The following AMZ1 variants were observed in gnomAD, a reference collection of about 807,000 sequenced individuals.
AMZ1 encodes archaemetzincin-1.
A neutral mutation model predicts 29.9 loss-of-function variants in AMZ1; 39 were observed. The observed-to-expected ratio is 1.30, with a 90% CI of 1.01 to 1.70. AMZ1 has a LOEUF of 1.70. AMZ1 is among the 40% of genes most tolerant of loss of function. The pLI is 0.00. For synonymous variants in AMZ1, 458 were observed against 304.0 expected (o/e 1.51, Z -5.27); for missense variants, 1,041 against 680.6 (o/e 1.53, Z -5.89).
At chr7:2,711,087 G>GCCC in intron 6 of AMZ1, among the ~76,000 whole-genome samples, 1 of 152,348 alleles carries the variant, frequency 6.6e-6, no homozygotes, top group Middle Eastern at 3.4e-3. Flanking sequence ...ACCTGGATCT[G>GCCC]AGCTGGAGGG....
chr7:2,725,911 G>A (rs983461479), intron 4 of AMZ1, among the ~76,000 whole-genome samples: 2 of 145,972 alleles, frequency 1.4e-5, no homozygotes, highest in African/African-American at 5.3e-5. Context: ...CAGGCGTCCA[G>A]CCCGCCCGCT....
chr7:2,726,877 C>T (rs928352222), intron 4 of AMZ1, among the ~76,000 whole-genome samples: 1 of 152,162 alleles, frequency 6.6e-6, no homozygotes, highest in African/African-American at 2.4e-5. Flanking sequence ...ACGATAACCC[C>T]AGGGGTTGTG....
At chr7:2,706,366 C>T (rs1488062290) in intron 3 of AMZ1, among the ~76,000 whole-genome samples, 1 of 152,206 alleles carries the variant, frequency 6.6e-6, no homozygotes, top group Non-Finnish European at 1.5e-5. Flanking sequence ...GGGGTCCTGC[C>T]ATCTTGCCCA....
At chr7:2,687,760 C>G (rs1787140083), upstream of AMZ1, among the ~76,000 whole-genome samples, 1 of 152,042 alleles carries the variant, frequency 6.6e-6, no homozygotes. Context: ...CGTTCACCCC[C>G]TCACCTGGCG....
chr7:2,749,568 G>C (rs208350), intron 4 of AMZ1, among the ~76,000 whole-genome samples: 1 of 151,778 alleles, frequency 6.6e-6, no homozygotes, highest in East Asian at 1.9e-4. Flanking sequence ...GCTAAATGAC[G>C]AGTTAATGGG....
chr7:2,741,807 C>A (rs565754737), intron 4 of AMZ1, among the ~76,000 whole-genome samples: 1 of 151,412 alleles, frequency 6.6e-6, no homozygotes, highest in East Asian at 1.9e-4. Flanking sequence ...ACGGCAACTT[C>A]AGGTGCTGCT....
At chr7:2,752,196 T>G (rs149097064) in intron 4 of AMZ1, among the ~76,000 whole-genome samples, 33 of 152,164 alleles carry the variant, frequency 2.2e-4, no homozygotes, top group Middle Eastern at 3.4e-3. Flanking sequence ...AATGTTTCAA[T>G]AGATGCAGAA....
chr7:2,685,893 C>T (rs1467822493), upstream of AMZ1, among the ~76,000 whole-genome samples: 1 of 149,688 alleles, frequency 6.7e-6, no homozygotes, highest in East Asian at 2.0e-4. Context: ...TTCATCTTTT[C>T]TCAGGTTCTG....
Position 2,718,506 on chromosome 7 carries a change from T to C in AMZ1, c.*5628T>C, listed in dbSNP as rs1353617365. Among the ~76,000 whole-genome samples the C allele has an allele frequency of 6.6e-6, 1 of 152,232 alleles. No individual in the cohort carries two copies. Among genetic ancestry groups the C allele is most frequent in the Non-Finnish European group, 1.5e-5 (1 of 68,038 alleles). The stretch of plus-strand genomic sequence containing the variant: ...ACGTGTTTTGTTCAGCCCTGACTCT[T>C]GGACGCTGGTGGCAGCCGCGGGCGC... On this transcript the variant is annotated 3_prime_UTR_variant, in exon 7 of 7. Transcript: ENST00000683327.
chr7:2,739,019 G>A (rs1790361664), intron 4 of AMZ1, among the ~76,000 whole-genome samples: 1 of 152,176 alleles, frequency 6.6e-6, no homozygotes, highest in Non-Finnish European at 1.5e-5. Flanking sequence ...GAGCTGCACA[G>A]GGTCCTTGGC....
chr7:2,733,476 T>C, intron 4 of AMZ1: 1 of 1,613,942 alleles, frequency 6.2e-7, no homozygotes, highest in African/African-American at 1.3e-5. Flanking sequence ...GTCCAAGTTG[T>C]CCAGGAAGTA....
At chr7:2,701,228 CAAAAA>C (rs35630946) in intron 2 of AMZ1, among the ~76,000 whole-genome samples, 1 of 144,158 alleles carries the variant, frequency 6.9e-6, no homozygotes, top group Admixed American at 6.9e-5. Flanking sequence ...GAGACTGTCT[CAAAAA>C]AAAAAAGACC....
intron 3 of AMZ1, among the ~76,000 whole-genome samples, chr7:2,705,466 C>A (rs893737223): frequency 7.9e-5 from 12 of 152,174 alleles, no homozygotes; most frequent in African/African-American, 2.9e-4. Flanking sequence ...ATCACGTGGC[C>A]ATCACCATAA....
At position 2,737,287 on chromosome 7, in the gene AMZ1, T is replaced by G. The variant is rs1488488212; in HGVS notation, n.551-27425T>G. Among the ~76,000 whole-genome samples the G allele has an allele frequency of 2.0e-4, 8 of 39,310 alleles. 1 individual carries two copies. In the East Asian group the frequency reaches 3.5e-3, roughly 17 times the overall value. 25.8% of individuals were successfully genotyped at this position (39,310 alleles called of 152,430 possible). A position where few individuals can be genotyped will look rare whatever the true frequency, so the allele number is the denominator to read the frequency against. ...CAGTTTTGTTTTGTTTTTTTTTTTT[T>G]TGTTTTTTTTTTTTTTTTTGAGATG... is the stretch of plus-strand genomic sequence containing the variant. On this transcript the variant is annotated intron_variant and non_coding_transcript_variant, in intron 4 of 4. Transcript: ENST00000489665.
chr7:2,760,655 C>A (rs1791511370), upstream of AMZ1, among the ~76,000 whole-genome samples: 2 of 152,208 alleles, frequency 1.3e-5, no homozygotes, highest in Non-Finnish European at 2.9e-5. Context: ...GTCACTGTCC[C>A]TTTAAACCTT....
chr7:2,685,188 C>A (rs866449959), upstream of AMZ1, among the ~76,000 whole-genome samples: 1 of 151,494 alleles, frequency 6.6e-6, no homozygotes, highest in Non-Finnish European at 1.5e-5. Context: ...ATTTCCTTTC[C>A]GGTGGCTATT....
chr7:2,710,161 C>A (rs984458398), intron 6 of AMZ1, among the ~76,000 whole-genome samples: 1 of 152,070 alleles, frequency 6.6e-6, no homozygotes, highest in Non-Finnish European at 1.5e-5. Context: ...TCTTTGCTTT[C>A]CCGTCACCCA....
upstream of AMZ1, among the ~76,000 whole-genome samples, chr7:2,759,648 G>C (rs1040450996): frequency 2.6e-5 from 4 of 152,182 alleles, no homozygotes; most frequent in Admixed American, 6.5e-5. Flanking sequence ...AGAGGTGTTT[G>C]TTCATGCTGT....
chr7:2,692,842 T>TC (rs1295613513), intron 1 of AMZ1, among the ~76,000 whole-genome samples: 18 of 152,180 alleles, frequency 1.2e-4, no homozygotes, highest in African/African-American at 4.1e-4. Context: ...GTCCCCATCT[T>TC]CCCCCAATCT....
Sources: allele counts gnomAD v4.1 joint callset (sites outside exome capture counted in the v4.1 genomes callset), GRCh38; gene constraint gnomAD v4.1.1; transcripts MANE v1.5; gene names NCBI Gene and HGNC (gene_info 2026-07-23, HGNC 2026-07-21).